The following HDAC9 variants were observed in gnomAD, a reference collection of about 807,000 sequenced individuals.
HDAC9 encodes MEF-2 interacting transcription repressor (MITR) protein.
HDAC9 carries 41 observed loss-of-function variants against 139.4 expected under a neutral mutation model. The ratio of observed to expected loss-of-function variants is 0.29; its 90% CI spans 0.23 to 0.38. The LOEUF is 0.38. HDAC9 is among the 10% of genes least tolerant of loss of function. HDAC9 has a pLI of 1.00. For synonymous variants in HDAC9, 517 were observed against 476.2 expected, an observed-to-expected ratio of 1.09 and a Z score of -1.12; for missense variants, 1,147 against 1,297.0, an observed-to-expected ratio of 0.88 and a Z score of 1.78.
chr7:18,499,434 T>C (rs1435561133), intron 2 of HDAC9, among the ~76,000 whole-genome samples: 1 of 152,146 alleles, frequency 6.6e-6, no homozygotes, highest in East Asian at 1.9e-4. Context: ...ATATTTTAGT[T>C]TAAAGTTCTA....
chr7:18,180,647 C>G (rs560408748), intron 2 of HDAC9, among the ~76,000 whole-genome samples: 1 of 152,158 alleles, frequency 6.6e-6, no homozygotes, highest in African/African-American at 2.4e-5. Context: ...CCAATCTGCC[C>G]TAACTAACTT....
chr7:18,663,337 C>A (rs573120475), intron 11 of HDAC9, among the ~76,000 whole-genome samples: 1 of 152,010 alleles, frequency 6.6e-6, no homozygotes, highest in African/African-American at 2.4e-5. Context: ...GGAGAAGAAT[C>A]GCAACAGAAG....
upstream of HDAC9, among the ~76,000 whole-genome samples, chr7:18,492,270 T>C (rs559884735): frequency 4.3e-4 from 66 of 152,090 alleles, no homozygotes; most frequent in South Asian, 6.2e-4. Flanking sequence ...TTATGGCATG[T>C]GGGATTGTGT....
chr7:18,376,694 T>A (rs1047510387), intron 1 of HDAC9, among the ~76,000 whole-genome samples: 4 of 152,118 alleles, frequency 2.6e-5, no homozygotes, highest in Non-Finnish European at 5.9e-5. Flanking sequence ...TAAGGTCCAG[T>A]TAATAATAAC....
At chr7:18,583,845 A>G (rs578206010) in intron 2 of HDAC9, among the ~76,000 whole-genome samples, 21 of 152,288 alleles carry the variant, frequency 1.4e-4, no homozygotes, top group African/African-American at 3.4e-4. Context: ...ACTCCCACAA[A>G]TAGTTGGTTT....
intron 17 of HDAC9, among the ~76,000 whole-genome samples, chr7:18,804,079 G>T (rs1179240049): frequency 6.6e-6 from 1 of 152,172 alleles, no homozygotes; most frequent in African/African-American, 2.4e-5. Flanking sequence ...TAAAAGTAAA[G>T]GATGAAAGAG....
chr7:18,820,995 A>G (rs994302181), intron 17 of HDAC9, among the ~76,000 whole-genome samples: 1 of 152,156 alleles, frequency 6.6e-6, no homozygotes, highest in African/African-American at 2.4e-5. Flanking sequence ...GGAGGCTGGG[A>G]TCAAGTCCAA....
intron 2 of HDAC9, among the ~76,000 whole-genome samples, chr7:18,281,783 A>G (rs191711001): frequency 6.6e-6 from 1 of 152,314 alleles, no homozygotes; most frequent in East Asian, 1.9e-4. Context: ...ATAACATTTC[A>G]AGGTTAGAGT....
intron 25 of HDAC9, among the ~76,000 whole-genome samples, chr7:18,976,568 C>G (rs1480108313): frequency 6.6e-6 from 1 of 152,130 alleles, no homozygotes; most frequent in East Asian, 1.9e-4. Flanking sequence ...AATGTATCTT[C>G]TTATGAATAT....
chr7:18,785,541 T>C (rs1259173741), intron 16 of HDAC9, among the ~76,000 whole-genome samples: 1 of 152,072 alleles, frequency 6.6e-6, no homozygotes, highest in African/African-American at 2.4e-5. Flanking sequence ...AGCTCAACTC[T>C]TCTAGGTACC....
chr7:18,888,781 C>G (rs1396642937), intron 22 of HDAC9, among the ~76,000 whole-genome samples: 1 of 152,084 alleles, frequency 6.6e-6, no homozygotes, highest in East Asian at 1.9e-4. Flanking sequence ...AAAGAAATGC[C>G]TAGGGTTATA....
rs548214080 is a variant in HDAC9 at position 19,000,621 on chromosome 7, T to C, written c.*4559T>C. On this transcript the variant is annotated 3_prime_UTR_variant, in exon 26 of 26. Transcript: ENST00000686413. ...TGCTGGAAATAACTAGGTCAGACAATGAAACCTTAGACTTTTGATTGGGGC... is the reference window on the plus strand; with the variant it reads ...TGCTGGAAATAACTAGGTCAGACAACGAAACCTTAGACTTTTGATTGGGGC... 1 of 152,354 alleles carries C rather than the reference T, an allele frequency of 6.6e-6. No homozygotes were observed. Among genetic ancestry groups the C allele is most frequent in the African/African-American group, 2.4e-5 (1 of 41,586 alleles). The allele number at this position is 152,354 out of a possible 1,614,324, so 9.4% of individuals were successfully genotyped here.
upstream of HDAC9, among the ~76,000 whole-genome samples, chr7:18,287,630 T>G (rs531652790): frequency 1.3e-5 from 2 of 152,366 alleles, no homozygotes; most frequent in South Asian, 2.1e-4. Flanking sequence ...ATGGCCACAG[T>G]TGGCCTTAGC....
At chr7:18,374,610 T>C (rs1461706254) in intron 1 of HDAC9, among the ~76,000 whole-genome samples, 1 of 152,064 alleles carries the variant, frequency 6.6e-6, no homozygotes, top group Admixed American at 6.6e-5. Flanking sequence ...CACTAGGTTA[T>C]AGGAATTTTT....
At position 18,732,584 on chromosome 7, in the gene HDAC9, TAC is replaced by T. The variant is rs1491425486; in HGVS notation, c.1909+4834_1909+4835del. On this transcript the variant is annotated intron_variant, in intron 13 of 25. Transcript: ENST00000686413. The stretch of plus-strand genomic sequence containing the variant: ...ACGTGTATATATGTGCATGTGTATA[TAC>T]ACACACGTGTATATGTGTGCATATG... Among the ~76,000 whole-genome samples the T allele has an allele frequency of 1.6e-4, 22 of 139,214 alleles. 5 individuals carry two copies. Among genetic ancestry groups the T allele is most frequent in the Non-Finnish European group, 2.3e-4 (15 of 66,018 alleles). The allele number at this position is 139,214 out of a possible 152,430, so 91.3% of individuals were successfully genotyped here.
intron 23 of HDAC9, among the ~76,000 whole-genome samples, chr7:18,947,286 C>T (rs1782471119): frequency 6.6e-6 from 1 of 151,666 alleles, no homozygotes; most frequent in African/African-American, 2.4e-5. Context: ...AGAAAACAAG[C>T]ATATATGTAA....
chr7:18,102,797 C>T (rs1266834058), intron 1 of HDAC9, among the ~76,000 whole-genome samples: 1 of 152,188 alleles, frequency 6.6e-6, no homozygotes, highest in Non-Finnish European at 1.5e-5. Flanking sequence ...TTATGTGCAA[C>T]TTCCAAGTAG....
At chr7:18,501,729 T>C (rs536971106) in intron 2 of HDAC9, among the ~76,000 whole-genome samples, 1 of 152,256 alleles carries the variant, frequency 6.6e-6, no homozygotes. Context: ...GGCTTTTTCT[T>C]TCAGCATCAT....
Position 18,642,168 on chromosome 7 carries a change from T to C in HDAC9, c.913-2503T>C, listed in dbSNP as rs1428114180. Among the ~76,000 whole-genome samples the C allele has an allele frequency of 2.6e-5, 4 of 152,192 alleles. No individual in the cohort carries two copies. The East Asian group carries it at 7.8e-4, about 30-fold the overall frequency. ...AAGAACCAACTATACCTAGTAGATATGGGGGACACAGAACCATCCTTGCTT... is the reference window on the plus strand; with the variant it reads ...AAGAACCAACTATACCTAGTAGATACGGGGGACACAGAACCATCCTTGCTT... On this transcript the variant is annotated intron_variant, in intron 8 of 25. Transcript: ENST00000686413.
Sources: allele counts gnomAD v4.1 joint callset (sites outside exome capture counted in the v4.1 genomes callset), GRCh38; gene constraint gnomAD v4.1.1; transcripts MANE v1.5; gene names NCBI Gene and HGNC (gene_info 2026-07-23, HGNC 2026-07-21).